The following NRG3 variants were observed in gnomAD, a reference collection of about 807,000 sequenced individuals.
NRG3 encodes the protein neuregulin 3, also known as pro-neuregulin-3, membrane-bound isoform.
A neutral mutation model predicts 66.9 loss-of-function variants in NRG3; 31 were observed. The observed-to-expected ratio is 0.46, with a 90% CI of 0.35 to 0.63. The LOEUF (loss-of-function observed/expected upper bound fraction) is 0.63. Ranked by LOEUF, NRG3 falls within the 20% of genes least tolerant of loss-of-function variation. The pLI is 0.00. For synonymous variants in NRG3, 393 were observed against 359.4 expected (o/e 1.09, Z -1.06); for missense variants, 910 against 878.9 (o/e 1.04, Z -0.45).
chr10:82,168,070 G>A (rs1033258950), intron 1 of NRG3, among the ~76,000 whole-genome samples: 1 of 151,918 alleles, frequency 6.6e-6, no homozygotes, highest in Non-Finnish European at 1.5e-5. Context: ...CTCCTCCTTA[G>A]ACATGACTCT....
intron 2 of NRG3, among the ~76,000 whole-genome samples, chr10:82,495,259 G>T (rs1843513256): frequency 1.3e-5 from 2 of 152,012 alleles, no homozygotes; most frequent in African/African-American, 2.4e-5. Flanking sequence ...CTTAATCATA[G>T]CTTTGAACAG....
chr10:82,934,867 T>C (rs1847910997), intron 4 of NRG3, among the ~76,000 whole-genome samples: 1 of 152,182 alleles, frequency 6.6e-6, no homozygotes, highest in South Asian at 2.1e-4. Context: ...TGGACCACAA[T>C]GTCCAACATT....
At chr10:82,293,715 G>A (rs2079876112) in intron 1 of NRG3, among the ~76,000 whole-genome samples, 1 of 151,950 alleles carries the variant, frequency 6.6e-6, no homozygotes, top group Admixed American at 6.6e-5. Flanking sequence ...TAAAGTTTCT[G>A]AGTCTTTAGA....
At chr10:82,569,337 A>G (rs11195057) in intron 2 of NRG3, among the ~76,000 whole-genome samples, 26,702 of 151,740 alleles carry the variant, frequency 0.18, 2,648 homozygotes, top group East Asian at 0.31. Flanking sequence ...AACTAGCAGT[A>G]TTACCTAGAA....
chr10:82,525,543 AC>A (rs1272309252), intron 2 of NRG3, among the ~76,000 whole-genome samples: 1 of 151,934 alleles, frequency 6.6e-6, no homozygotes, highest in African/African-American at 2.4e-5. Context: ...ACTCCTAGGA[AC>A]CTTAAAACAA....
intron 1 of NRG3, among the ~76,000 whole-genome samples, chr10:82,255,475 G>C (rs1407909745): frequency 6.6e-6 from 1 of 152,120 alleles, no homozygotes; most frequent in Non-Finnish European, 1.5e-5. Context: ...TATTAACGTA[G>C]GAGGTAATGC....
intron 2 of NRG3, among the ~76,000 whole-genome samples, chr10:82,401,397 GAC>G (rs3068949): frequency 8.8e-4 from 133 of 151,478 alleles, no homozygotes; most frequent in South Asian, 6.7e-3. Flanking sequence ...ATTATATATA[GAC>G]ACACACATAT....
At chr10:82,005,267 T>C (rs1257539952) in intron 1 of NRG3, among the ~76,000 whole-genome samples, 1 of 152,240 alleles carries the variant, frequency 6.6e-6, no homozygotes, top group Non-Finnish European at 1.5e-5. Flanking sequence ...TGCCAAAAGC[T>C]ACATTTCTCT....
rs138556633 is a variant in NRG3, at chr10:82,523,611, T to C, written c.953+164743T>C. Among the ~76,000 whole-genome samples the C allele has an allele frequency of 1.8e-3, 278 of 152,274 alleles. 1 individual carries two copies. Among genetic ancestry groups the C allele is most frequent in the African/African-American group, 6.3e-3 (261 of 41,586 alleles). On this transcript the variant is annotated intron_variant, in intron 2 of 8. Transcript: ENST00000372141. ...TATTGAACTGCAATGGTTATTTATATATACTATGTACAAGTTACCTCTCAG... is the reference window on the plus strand; with the variant it reads ...TATTGAACTGCAATGGTTATTTATACATACTATGTACAAGTTACCTCTCAG...
intron 4 of NRG3, among the ~76,000 whole-genome samples, chr10:82,902,277 T>C (rs1043430602): frequency 6.6e-6 from 1 of 152,200 alleles, no homozygotes; most frequent in Non-Finnish European, 1.5e-5. Flanking sequence ...TTGAAGATCA[T>C]TTAAGCAGGA....
intron 2 of NRG3, among the ~76,000 whole-genome samples, chr10:82,587,746 A>T (rs996139356): frequency 2.0e-5 from 3 of 152,196 alleles, no homozygotes; most frequent in Non-Finnish European, 4.4e-5. Context: ...TAGAGTCAGT[A>T]AAAACATGAA....
At chr10:82,803,985 A>G (rs1386623194) in intron 3 of NRG3, among the ~76,000 whole-genome samples, 2 of 152,124 alleles carry the variant, frequency 1.3e-5, no homozygotes, top group East Asian at 3.9e-4. Context: ...GAAATTTCAC[A>G]CCATTATGCT....
chr10:82,145,931 G>A (rs1353465477), intron 1 of NRG3, among the ~76,000 whole-genome samples: 1 of 152,060 alleles, frequency 6.6e-6, no homozygotes, highest in Non-Finnish European at 1.5e-5. Context: ...TTGCCTAGAA[G>A]GTCAGTGAAC....
At chr10:82,942,036 A>T (rs183603553) in intron 4 of NRG3, among the ~76,000 whole-genome samples, 1 of 151,108 alleles carries the variant, frequency 6.6e-6, no homozygotes, top group East Asian at 1.9e-4. Context: ...CTTCAACCTC[A>T]CACTACTTGA....
intron 1 of NRG3, among the ~76,000 whole-genome samples, chr10:81,956,175 G>C (rs765411022): frequency 6.6e-6 from 1 of 152,120 alleles, no homozygotes; most frequent in East Asian, 1.9e-4. Flanking sequence ...TACAGTAGAC[G>C]TGATGTTTGG....
intron 1 of NRG3, among the ~76,000 whole-genome samples, chr10:82,137,264 C>A (rs575506253): frequency 6.6e-6 from 1 of 152,122 alleles, no homozygotes; most frequent in Non-Finnish European, 1.5e-5. Context: ...GTCAGGATTG[C>A]GCTTTTAGAA....
intron 1 of NRG3, among the ~76,000 whole-genome samples, chr10:81,915,183 C>T (rs1845558655): frequency 6.6e-6 from 1 of 152,108 alleles, no homozygotes; most frequent in Admixed American, 6.5e-5. Context: ...CTGCTCCTCC[C>T]TAAAAAAAGA....
At chr10:82,350,126 A>C in intron 1 of NRG3, among the ~76,000 whole-genome samples, 1 of 152,310 alleles carries the variant, frequency 6.6e-6, no homozygotes, top group Admixed American at 6.5e-5. Flanking sequence ...CGAACATGAA[A>C]AAATAAAAAA....
intron 1 of NRG3, among the ~76,000 whole-genome samples, chr10:82,055,789 G>A (rs755384088): frequency 2.6e-5 from 4 of 152,114 alleles, no homozygotes; most frequent in African/African-American, 7.2e-5. Flanking sequence ...ATCTTATGTC[G>A]ATGAGAAGGG....
Sources: gnomAD v4.1 joint callset for allele counts (sites outside exome capture counted in the v4.1 genomes callset) on GRCh38, gnomAD v4.1.1 for gene constraint, MANE v1.5 for transcripts, NCBI Gene and HGNC (gene_info 2026-07-23, HGNC 2026-07-21) for gene names.